Variants in CEACAM21 observed in about 807,000 individuals in gnomAD.
The protein encoded by CEACAM21 is CEA cell adhesion molecule 21.
In CEACAM21, 38 loss-of-function variants were observed where a neutral mutation model predicts 33.2. The observed-to-expected ratio is 1.14, with a 90% CI of 0.88 to 1.50. The LOEUF is 1.50. Ranked by LOEUF, CEACAM21 falls within the 40% of genes most tolerant of loss-of-function variation. The pLI is 0.00. For missense variants in CEACAM21, 385 were observed against 364.6 expected (o/e 1.06, Z -0.46); for synonymous variants, 156 against 143.0 (o/e 1.09, Z -0.65).
At chr19:41,564,632 GTC>G (rs1401169692) in intron 1 of CEACAM21, 1 of 152,188 alleles carries the variant, frequency 6.6e-6, no homozygotes, top group African/African-American at 2.4e-5. Context: ...CCCCTCCCCT[GTC>G]TCTTCACAGC....
At chr19:41,572,779 C>A (rs1372872131), upstream of CEACAM21, among the ~76,000 whole-genome samples, 2 of 152,164 alleles carry the variant, frequency 1.3e-5, no homozygotes, top group Non-Finnish European at 2.9e-5. Flanking sequence ...CAACTGAAAC[C>A]AGCAAATTCC....
At chr19:41,580,880 C>T (rs578089056) in intron 3 of CEACAM21, among the ~76,000 whole-genome samples, 21 of 152,332 alleles carry the variant, frequency 1.4e-4, no homozygotes, top group African/African-American at 5.1e-4. Flanking sequence ...GGCTGAAAGT[C>T]CCAACCCTCT....
chr19:41,554,034 T>A (rs2041388572), intron 1 of CEACAM21, among the ~76,000 whole-genome samples: 1 of 152,138 alleles, frequency 6.6e-6, no homozygotes, highest in Non-Finnish European at 1.5e-5. Context: ...AAGCTGTCAA[T>A]AGCTCAAAAG....
At chr19:41,584,233 A>G in intron 3 of CEACAM21, 114 bp from the exon 4 acceptor site, 2 of 860,954 alleles carry the variant, frequency 2.3e-6, no homozygotes, top group Non-Finnish European at 3.8e-6. Context: ...AACAGACCAC[A>G]CTCAGGCTCC....
Position 41,585,515 on chromosome 19 carries a change from G to T in CEACAM21, c.850+20G>T, listed in dbSNP as rs117092924. Reference sequence around the variant, plus strand: ...CCCCCGGTGAGTGTCCCTTCAGTCTGGGTGTGGCTGGGAACTACTAAGCCA... The same window carrying T: ...CCCCCGGTGAGTGTCCCTTCAGTCTTGGTGTGGCTGGGAACTACTAAGCCA... On this transcript the variant is annotated intron_variant, in intron 5 of 6. Transcript: ENST00000401445. 8.7e-6 allele frequency: 14 copies of T among 1,613,526 alleles called. No individual in the cohort carries two copies. Among genetic ancestry groups the T allele is most frequent in the Admixed American group, 1.7e-5 (1 of 60,012 alleles).
intron 3 of CEACAM21, among the ~76,000 whole-genome samples, chr19:41,583,611 G>T (rs746400126): frequency 6.6e-6 from 1 of 152,178 alleles, no homozygotes. Context: ...AAGGTGAAAG[G>T]CATGTCTTAC....
intron 2 of CEACAM21, among the ~76,000 whole-genome samples, chr19:41,578,694 G>A (rs1308369508): frequency 6.6e-6 from 1 of 152,174 alleles, no homozygotes; most frequent in East Asian, 1.9e-4. Context: ...GAAATCACCT[G>A]TCTCAACTAT....
At chr19:41,560,881 A>T (rs1600158489) in intron 1 of CEACAM21, among the ~76,000 whole-genome samples, 2 of 152,238 alleles carry the variant, frequency 1.3e-5, no homozygotes, top group African/African-American at 4.8e-5. Context: ...GCTTTATACA[A>T]TCAGAGAGCA....
intron 4 of CEACAM21, among the ~76,000 whole-genome samples, chr19:41,585,036 C>A (rs1344058065): frequency 6.6e-6 from 1 of 152,196 alleles, no homozygotes. Context: ...CTGGTCACAG[C>A]AGGGACACTG....
chr19:41,576,194 C>T lies in CEACAM21; in HGVS notation c.-81C>T. On this transcript the variant is annotated 5_prime_UTR_variant, in exon 1 of 7. Transcript: ENST00000401445. ...GAGGAAGGAAGGACAGCAGAGACAA[C>T]AGTCACAGTAACCCTGTCTAGAGCG... 1 of 1,515,016 alleles carries T rather than the reference C, an allele frequency of 6.6e-7. No individual in the cohort carries two copies. Among genetic ancestry groups the T allele is most frequent in the Non-Finnish European group, 9.1e-7 (1 of 1,094,242 alleles). 93.8% of individuals were successfully genotyped at this position (1,515,016 alleles called of 1,614,324 possible).
At chr19:41,560,316 A>G (rs1555786541) in intron 1 of CEACAM21, among the ~76,000 whole-genome samples, 1 of 151,950 alleles carries the variant, frequency 6.6e-6, no homozygotes, top group African/African-American at 2.4e-5. Context: ...TCAAATTCCT[A>G]GGCTCAAGCA....
At chr19:41,569,909 C>A (rs1018164049) in intron 2 of CEACAM21, among the ~76,000 whole-genome samples, 3 of 152,222 alleles carry the variant, frequency 2.0e-5, no homozygotes, top group Admixed American at 6.5e-5. Flanking sequence ...CTCCCACACC[C>A]CCAGCCTGAC....
Position 41,585,480 on chromosome 19 carries a change from C to T in CEACAM21, c.835C>T (p.Pro279Ser). 6.2e-7 allele frequency: 1 copy of T among 1,613,872 alleles called. No homozygotes were observed. The highest frequency in any genetic ancestry group is 1.7e-5 in the Admixed American group (1 of 60,014). The stretch of plus-strand genomic sequence containing the variant: ...GAGTGACTTCAGGGAGCAGCAGCCC[C>T]CAGCCTCCACCCCCGGTGAGTGTCC... Reference protein sequence around the residue: ...DQSDFREQQPPASTPGHGPSD... With the variant: ...DQSDFREQQPSASTPGHGPSD... The change falls in exon 5 of 7, where the codon CCA becomes TCA. Residue 279 changes from proline (P) to serine (S), a missense_variant. Physicochemically the swap from Pro to Ser is moderately conservative, Grantham distance 74. Coordinates refer to ENST00000401445, the MANE Select transcript of CEACAM21 (RefSeq NM_001098506.4).
intron 2 of CEACAM21, among the ~76,000 whole-genome samples, chr19:41,578,539 T>C: frequency 6.6e-6 from 1 of 152,190 alleles, no homozygotes; most frequent in East Asian, 1.9e-4. Context: ...AATCTGGTCG[T>C]GGCCACCACC....
chr19:41,556,555 G>A (rs1165123001), intron 1 of CEACAM21, among the ~76,000 whole-genome samples: 1 of 152,158 alleles, frequency 6.6e-6, no homozygotes, highest in Admixed American at 6.5e-5. Flanking sequence ...TCAGATTTTA[G>A]CCAACACAAA....
chr19:41,552,052 G>C (rs797031169), intron 1 of CEACAM21: 5 of 152,286 alleles, frequency 3.3e-5, no homozygotes, highest in African/African-American at 1.2e-4. Flanking sequence ...AATATCTCCA[G>C]ACCAACTGTA....
intron 4 of CEACAM21, among the ~76,000 whole-genome samples, chr19:41,584,670 A>G (rs1221065004): frequency 1.3e-5 from 2 of 152,158 alleles, no homozygotes; most frequent in South Asian, 2.1e-4. Flanking sequence ...CATGCCCCTG[A>G]GCATGGTCCT....
At chr19:41,567,929 G>C (rs1450932290) in intron 2 of CEACAM21, among the ~76,000 whole-genome samples, 2 of 151,112 alleles carry the variant, frequency 1.3e-5, no homozygotes, top group Non-Finnish European at 2.9e-5. Flanking sequence ...GGACTTTCCA[G>C]ACCCTGCATC....
chr19:41,552,903 C>T (rs1220335926), intron 1 of CEACAM21, among the ~76,000 whole-genome samples: 2 of 151,990 alleles, frequency 1.3e-5, no homozygotes, highest in Admixed American at 6.5e-5. Flanking sequence ...GAAAGCACAG[C>T]TTAGGTTTCA....
Sources: gnomAD v4.1 joint callset for allele counts (sites outside exome capture counted in the v4.1 genomes callset) on GRCh38, gnomAD v4.1.1 for gene constraint, MANE v1.5 for transcripts, NCBI Gene and HGNC (gene_info 2026-07-23, HGNC 2026-07-21) for gene names.